The following USP31 variants were observed in gnomAD, a reference collection of about 807,000 sequenced individuals.
The protein encoded by USP31 is ubiquitin specific peptidase 31, also known as ubiquitin carboxyl-terminal hydrolase 31.
USP31 carries 44 observed loss-of-function variants against 119.4 expected under a neutral mutation model. That is an observed-to-expected ratio of 0.37 (90% confidence interval 0.29 to 0.47). The LOEUF is 0.47. Among genes scored for constraint, USP31 ranks in the 20% least tolerant of loss-of-function variants. USP31 has a pLI of 0.99. For missense variants in USP31, 1,643 were observed against 1,730.2 expected, an observed-to-expected ratio of 0.95 and a Z score of 0.89; for synonymous variants, 749 against 705.6, an observed-to-expected ratio of 1.06 and a Z score of -0.97.
chr16:23,086,095 T>C (rs1338950488), intron 9 of USP31, among the ~76,000 whole-genome samples: 1 of 152,162 alleles, frequency 6.6e-6, no homozygotes, highest in Non-Finnish European at 1.5e-5. Flanking sequence ...GACTGCACCC[T>C]TCTTCCTCCT....
At chr16:23,091,925 G>C (rs1901379761) in intron 6 of USP31, among the ~76,000 whole-genome samples, 1 of 152,176 alleles carries the variant, frequency 6.6e-6, no homozygotes, top group Non-Finnish European at 1.5e-5. Context: ...ATCTGAAGTT[G>C]AGACAATAAA....
rs148020470 is a variant in USP31, at chr16:23,143,455, T to C, written c.633+5183A>G. On this transcript the variant is annotated intron_variant, in intron 1 of 15. Coordinates refer to ENST00000219689, the MANE Select transcript of USP31 (RefSeq NM_020718.4). ...CATATTATGTATTCAAAGTGATTTATTTACTCTCACTATTTTACTAGGAAA... is the reference window on the plus strand; with the variant it reads ...CATATTATGTATTCAAAGTGATTTACTTACTCTCACTATTTTACTAGGAAA... Among the ~76,000 whole-genome samples the C allele has an allele frequency of 1.7e-3, 255 of 152,242 alleles. 1 individual carries two copies. The highest frequency in any genetic ancestry group is 5.8e-3 in the African/African-American group (242 of 41,538).
Position 23,149,242 on chromosome 16 carries a change from C to G in USP31, c.29G>C (p.Gly10Ala). Residue 10 changes from glycine to alanine, a missense_variant, in exon 1 of 16, where the codon GGG becomes GCG. Transcript: ENST00000219689. ...CTTCCCGCTCGCCGCCGCCGGCGGCCCGGACCCAGGCGCCGTTACCTTGGA... is the reference window on the plus strand; with the variant it reads ...CTTCCCGCTCGCCGCCGCCGGCGGCGCGGACCCAGGCGCCGTTACCTTGGA... The part of the protein sequence containing the change: MSKVTAPGS[G>A]PPAAASGKEK... 2 of 1,119,448 alleles carry G rather than the reference C, an allele frequency of 1.8e-6. No individual in the cohort carries two copies. Among genetic ancestry groups the G allele is most frequent in the East Asian group, 5.0e-5 (1 of 20,200 alleles). 69.3% of individuals were successfully genotyped at this position (1,119,448 alleles called of 1,614,324 possible).
In USP31 at chr16:23,102,298, T is replaced by G. The variant is rs1315680334; in HGVS notation, c.1234+21A>C. The G allele has an allele frequency of 3.1e-6, 5 of 1,604,662 alleles. No homozygotes were observed. The African/African-American group carries it at 5.4e-5, about 17-fold the overall frequency. The stretch of plus-strand genomic sequence containing the variant: ...AAACCTGCAAACCCAGGTGGCATTA[T>G]GGAAACAGGAGCTCCCTTACCTCTT... On this transcript the variant is annotated intron_variant, in intron 6 of 15. Coordinates refer to ENST00000219689, the MANE Select transcript of USP31 (RefSeq NM_020718.4).
intron 1 of USP31, among the ~76,000 whole-genome samples, chr16:23,138,492 T>G (rs925245146): frequency 7.2e-5 from 11 of 152,032 alleles, no homozygotes; most frequent in African/African-American, 2.7e-4. Context: ...CTTTTAAAAA[T>G]AAAAGAAAAA....
At chr16:23,143,053 C>T (rs891810659) in intron 1 of USP31, among the ~76,000 whole-genome samples, 3 of 152,134 alleles carry the variant, frequency 2.0e-5, no homozygotes, top group Non-Finnish European at 4.4e-5. Flanking sequence ...GGTTGTTCAC[C>T]ACTAGTCTCT....
At chr16:23,070,859 AGAAACAGGCTC>A (rs1900317119) in intron 15 of USP31, among the ~76,000 whole-genome samples, 1 of 152,234 alleles carries the variant, frequency 6.6e-6, no homozygotes, top group African/African-American at 2.4e-5. Context: ...ATAGAGCCTA[AGAAACAGGCTC>A]TATTCTGTGG....
At chr16:23,130,053 G>A (rs976699632) in intron 1 of USP31, among the ~76,000 whole-genome samples, 29 of 152,280 alleles carry the variant, frequency 1.9e-4, no homozygotes, top group Non-Finnish European at 2.8e-4. Flanking sequence ...TATGAAGAAT[G>A]CATCACTTGC....
At chr16:23,087,586 G>A in intron 8 of USP31, 138 bp downstream of exon 8, 1 of 748,532 alleles carries the variant, frequency 1.3e-6, no homozygotes, top group South Asian at 1.9e-5. Context: ...CCTTGCAGTG[G>A]CTAGCTCTTT....
Position 23,094,868 on chromosome 16 carries a change from T to C in USP31, c.1235-4064A>G, listed in dbSNP as rs368642134. On this transcript the variant is annotated intron_variant, in intron 6 of 15. Transcript: ENST00000219689. The stretch of plus-strand genomic sequence containing the variant: ...ATCTGTAGGTTACCAACATCAAAGA[T>C]CAAAGGTAGATAAAACCACAAAGAT... Among the ~76,000 whole-genome samples, 9 of 152,110 alleles carry C rather than the reference T, an allele frequency of 5.9e-5. No homozygotes were observed. The East Asian group carries it at 7.7e-4, about 13-fold the overall frequency.
rs948011731 is a variant in USP31 at position 23,067,232 on chromosome 16, AAAATT to A, written c.*809_*813del. The A allele has an allele frequency of 1.3e-5, 2 of 152,672 alleles. No individual in the cohort carries two copies. Among genetic ancestry groups the A allele is most frequent in the Non-Finnish European group, 2.9e-5 (2 of 68,044 alleles). The allele number at this position is 152,672 out of a possible 1,614,324, so 9.5% of individuals were successfully genotyped here. On this transcript the variant is annotated 3_prime_UTR_variant, in exon 16 of 16. Transcript: ENST00000219689. The stretch of plus-strand genomic sequence containing the variant: ...TTAGCTAGTAATTTCAGAAGGAAAA[AAAATT>A]AAACGAGTGACTGGCTTTCTGGCTA...
rs1054526133 is a variant in USP31, at chr16:23,063,188, T to C, written c.*4858A>G. ...TCTTGAGGAAAATACATGTGTGAGA[T>C]TCAAAAAAGTCTCTCAAATTTGCTG... On this transcript the variant is annotated 3_prime_UTR_variant, in exon 16 of 16. Coordinates refer to ENST00000219689, the MANE Select transcript of USP31 (RefSeq NM_020718.4). 10 of 152,156 alleles carry C rather than the reference T, an allele frequency of 6.6e-5. No individual in the cohort carries two copies. Among genetic ancestry groups the C allele is most frequent in the Admixed American group, 2.0e-4 (3 of 15,278 alleles). The allele number at this position is 152,156 out of a possible 1,614,324, so 9.4% of individuals were successfully genotyped here. A position where few individuals can be genotyped will look rare whatever the true frequency, so the allele number is the denominator to read the frequency against.
In USP31 at chr16:23,069,026, G is replaced by T. The variant is rs1259919531; in HGVS notation, c.3079C>A (p.Pro1027Thr). The change falls in exon 16 of 16, where the codon CCC (proline) becomes ACC (threonine). Residue 1027 changes from proline (P) to threonine (T), a missense_variant. Physicochemically the swap from Pro to Thr is conservative, Grantham distance 38 (BLOSUM62 -1). Transcript: ENST00000219689. ...GGCTCAGAAGTGCCTTTGGAACTGG[G>T]GGATCTCTTAGTTGTGCTCTCTGGT... ...KKPESTTKRS[P>T]SSKGTSEPEK... is the part of the protein sequence containing the mutation. 6.2e-7 allele frequency: 1 copy of T among 1,613,536 alleles called. No individual in the cohort carries two copies. The highest frequency in any genetic ancestry group is 1.1e-5 in the South Asian group (1 of 91,078).
At chr16:23,081,434 C>T (rs1900819930) in intron 12 of USP31, among the ~76,000 whole-genome samples, 1 of 152,132 alleles carries the variant, frequency 6.6e-6, no homozygotes, top group Non-Finnish European at 1.5e-5. Flanking sequence ...TGTGTTGCCC[C>T]TGATACCTCC....
At chr16:23,093,865 T>A (rs1441096539) in intron 6 of USP31, among the ~76,000 whole-genome samples, 1 of 152,190 alleles carries the variant, frequency 6.6e-6, no homozygotes, top group Non-Finnish European at 1.5e-5. Context: ...TAAAAAGGAA[T>A]GAAGTGGATC....
Position 23,148,734 on chromosome 16 carries a change from G to C in USP31, c.537C>G (p.Gly179=), listed in dbSNP as rs768727800. 6.7e-7 allele frequency: 1 copy of C among 1,484,518 alleles called. No homozygotes were observed. Among genetic ancestry groups the C allele is most frequent in the South Asian group, 1.3e-5 (1 of 75,618 alleles). 92.0% of individuals were successfully genotyped at this position (1,484,518 alleles called of 1,614,324 possible). A position where few individuals can be genotyped will look rare whatever the true frequency, so the allele number is the denominator to read the frequency against. The change falls in exon 1 of 16, where the codon GGC becomes GGG. Residue 179 remains glycine (G), a synonymous_variant. Transcript: ENST00000219689. ...CAGTGACCTCGCCCTGGCCCTGCGC[G>C]CCGCGGCCCGCAGGCTGCTCCGGGT... The part of the protein sequence containing the change: ...SPDPEQPAGR[G]AQGQGEVTEQ...
At chr16:23,083,668 C>T (rs1900940829) in intron 11 of USP31, among the ~76,000 whole-genome samples, 1 of 96,096 alleles carries the variant, frequency 1.0e-5, no homozygotes, top group African/African-American at 4.6e-5. Context: ...CCAAAGCCAA[C>T]TATTTCATAA....
In USP31 at chr16:23,063,087, A is replaced by G. The variant is rs185013160; in HGVS notation, c.*4959T>C. On this transcript the variant is annotated 3_prime_UTR_variant, in exon 16 of 16. Transcript: ENST00000219689. ...CTGGGACCCAGGCACTGTATTTTTT[A>G]AAGTTCCCCAGCTGATTCTAGTTAA... The G allele has an allele frequency of 5.9e-5, 9 of 152,354 alleles. No homozygotes were observed. In the East Asian group the frequency reaches 1.5e-3, roughly 26 times the overall value. The allele number at this position is 152,354 out of a possible 1,614,324, so 9.4% of individuals were successfully genotyped here. A position where few individuals can be genotyped will look rare whatever the true frequency, so the allele number is the denominator to read the frequency against.
intron 6 of USP31, among the ~76,000 whole-genome samples, chr16:23,100,093 T>G (rs558177581): frequency 1.1e-4 from 17 of 152,268 alleles, no homozygotes; most frequent in African/African-American, 2.6e-4. Flanking sequence ...TGTAACACGG[T>G]GCAGCCACTT....
Sources: allele counts gnomAD v4.1 joint callset (sites outside exome capture counted in the v4.1 genomes callset), GRCh38; gene constraint gnomAD v4.1.1; transcripts MANE v1.5; gene names NCBI Gene and HGNC (gene_info 2026-07-23, HGNC 2026-07-21).